Variants in DNER observed in about 807,000 individuals in gnomAD.
DNER encodes delta and Notch-like epidermal growth factor-related receptor.
DNER carries 33 observed loss-of-function variants against 78.2 expected under a neutral mutation model. The observed-to-expected ratio is 0.42, with a 90% CI of 0.32 to 0.56. The LOEUF (loss-of-function observed/expected upper bound fraction) is 0.56, where lower values mean the gene tolerates loss of function less well. Among genes scored for constraint, DNER ranks in the 20% least tolerant of loss-of-function variants. DNER has a pLI of 0.11. For synonymous variants in DNER, 417 were observed against 384.8 expected (o/e 1.08, Z -0.98); for missense variants, 918 against 975.3 (o/e 0.94, Z 0.78).
At chr2:229,385,100 T>TA (rs57663031) in intron 11 of DNER, among the ~76,000 whole-genome samples, 5,561 of 110,824 alleles carry the variant, frequency 0.05, 174 homozygotes, top group African/African-American at 0.12. Flanking sequence ...AGACTCCATC[T>TA]AAAAAAAAAA....
intron 1 of DNER, among the ~76,000 whole-genome samples, chr2:229,607,796 T>C (rs952231017): frequency 6.6e-6 from 1 of 151,688 alleles, no homozygotes; most frequent in African/African-American, 2.4e-5. Flanking sequence ...GCCGAGGTGG[T>C]CGAATCACTT....
At chr2:229,551,200 A>G (rs1037342875) in intron 4 of DNER, among the ~76,000 whole-genome samples, 1 of 152,186 alleles carries the variant, frequency 6.6e-6, no homozygotes, top group Non-Finnish European at 1.5e-5. Flanking sequence ...CCTCTCAGCT[A>G]TTTCTGTTTG....
At chr2:229,613,402 A>G (rs1698086307) in intron 1 of DNER, among the ~76,000 whole-genome samples, 1 of 152,226 alleles carries the variant, frequency 6.6e-6, no homozygotes. Context: ...AACATACTCA[A>G]TGCATTGCGT....
chr2:229,685,616 A>G (rs529453483), intron 1 of DNER, among the ~76,000 whole-genome samples: 18 of 152,314 alleles, frequency 1.2e-4, no homozygotes, highest in Middle Eastern at 3.4e-3. Flanking sequence ...AATTCAGCAA[A>G]TGGCATGCAT....
At chr2:229,602,999 C>T (rs1697860912) in intron 1 of DNER, among the ~76,000 whole-genome samples, 1 of 152,112 alleles carries the variant, frequency 6.6e-6, no homozygotes, top group African/African-American at 2.4e-5. Context: ...ATTAGGATAG[C>T]ATGACACTGG....
rs200459925 is a variant in DNER, at chr2:229,408,154, T to TA, written c.1610-810dup. 8.9e-3 allele frequency among the ~76,000 whole-genome samples: 1,332 copies of TA among 149,786 alleles called. 22 individuals are homozygous for TA. Among genetic ancestry groups the TA allele is most frequent in the African/African-American group, 0.03 (1,229 of 40,908 alleles). On this transcript the variant is annotated intron_variant, in intron 9 of 12. Transcript: ENST00000341772. ...CAGACAGCTTCTCATTTACTTTTTT[T>TA]AAAAAAAAAAGACTGTGTGTGCATG...
intron 1 of DNER, among the ~76,000 whole-genome samples, chr2:229,666,576 G>A (rs77169594): frequency 0.019 from 2,839 of 152,194 alleles, 101 homozygotes; most frequent in African/African-American, 0.065. Flanking sequence ...GAATTCATCC[G>A]TAGAGATTCA....
At chr2:229,534,059 C>A (rs1240516247) in intron 5 of DNER, among the ~76,000 whole-genome samples, 1 of 152,078 alleles carries the variant, frequency 6.6e-6, no homozygotes, top group East Asian at 1.9e-4. Context: ...GGCAAAAGAT[C>A]CAAAACACAA....
intron 11 of DNER, among the ~76,000 whole-genome samples, chr2:229,376,223 T>C (rs1559334768): frequency 6.6e-6 from 1 of 152,156 alleles, no homozygotes; most frequent in Non-Finnish European, 1.5e-5. Context: ...TTAAGAGATG[T>C]AGTCTTTGGG....
chr2:229,504,898 G>C (rs1695702896), intron 6 of DNER, among the ~76,000 whole-genome samples: 1 of 152,194 alleles, frequency 6.6e-6, no homozygotes, highest in South Asian at 2.1e-4. Flanking sequence ...AGTGACTTTA[G>C]GGAATAACAA....
At chr2:229,594,343 C>T (rs973330486) in intron 1 of DNER, among the ~76,000 whole-genome samples, 13 of 152,238 alleles carry the variant, frequency 8.5e-5, no homozygotes, top group Non-Finnish European at 1.9e-4. Context: ...AACCCCAACA[C>T]TTTGAGAGGC....
chr2:229,542,077 T>C (rs1026225592), intron 5 of DNER, among the ~76,000 whole-genome samples: 1 of 151,196 alleles, frequency 6.6e-6, no homozygotes, highest in African/African-American at 2.4e-5. Flanking sequence ...ACATAGTCCA[T>C]GGAATCTAAT....
intron 1 of DNER, among the ~76,000 whole-genome samples, chr2:229,626,132 G>C (rs1192879595): frequency 1.3e-5 from 2 of 152,120 alleles, no homozygotes; most frequent in African/African-American, 2.4e-5. Context: ...TGTTAGCCAA[G>C]ATGGTCGCGA....
chr2:229,485,085 G>A (rs2193906), intron 6 of DNER, among the ~76,000 whole-genome samples: 40,530 of 152,122 alleles, frequency 0.27, 5,569 homozygotes, highest in Admixed American at 0.33. Flanking sequence ...TGAAAATACT[G>A]ACCTCTCCTT....
At chr2:229,675,821 C>T (rs777027876) in intron 1 of DNER, among the ~76,000 whole-genome samples, 5 of 152,208 alleles carry the variant, frequency 3.3e-5, no homozygotes, top group Non-Finnish European at 5.9e-5. Flanking sequence ...TCGTGCTCAG[C>T]AGGCAAATGG....
intron 1 of DNER, among the ~76,000 whole-genome samples, chr2:229,643,136 G>A (rs778769316): frequency 2.0e-5 from 3 of 152,108 alleles, no homozygotes; most frequent in Non-Finnish European, 4.4e-5. Flanking sequence ...AGGATCCCTT[G>A]AGCCCGGGAA....
chr2:229,652,455 A>G (rs564908968), intron 1 of DNER, among the ~76,000 whole-genome samples: 2 of 152,390 alleles, frequency 1.3e-5, no homozygotes, highest in East Asian at 3.9e-4. Flanking sequence ...GACATGAACC[A>G]TGGACCACGT....
At chr2:229,644,036 G>A (rs974257578) in intron 1 of DNER, among the ~76,000 whole-genome samples, 5 of 152,244 alleles carry the variant, frequency 3.3e-5, no homozygotes, top group African/African-American at 1.2e-4. Flanking sequence ...AGCTGTGACT[G>A]TTCATGATGC....
intron 7 of DNER, among the ~76,000 whole-genome samples, chr2:229,459,092 A>G (rs1180828366): frequency 6.6e-6 from 1 of 152,110 alleles, no homozygotes; most frequent in African/African-American, 2.4e-5. Flanking sequence ...ACTATAAAAC[A>G]TTACTTGAAG....
Sources: gnomAD v4.1 joint callset for allele counts (sites outside exome capture counted in the v4.1 genomes callset) on GRCh38, gnomAD v4.1.1 for gene constraint, MANE v1.5 for transcripts, NCBI Gene and HGNC (gene_info 2026-07-23, HGNC 2026-07-21) for gene names.